The following DMXL2 variants were observed in gnomAD, a reference collection of about 807,000 sequenced individuals.
DMXL2 encodes Dmx like 2, also known as dmX-like protein 2.
Under a neutral mutation model 331.1 loss-of-function variants are expected in DMXL2, and 103 were observed. The observed-to-expected ratio is 0.31, with a 90% CI of 0.27 to 0.37. The LOEUF is 0.37. DMXL2 is among the 10% of genes least tolerant of loss of function. The probability of loss-of-function intolerance (pLI) is 1.00; values close to 1 mark genes in which losing one functional copy is unlikely to be tolerated. For missense variants in DMXL2, 3,171 were observed against 3,642.9 expected (o/e 0.87, Z 3.33); for synonymous variants, 1,281 against 1,252.1 (o/e 1.02, Z -0.49).
Position 51,568,519 on chromosome 15 carries a change from G to T in DMXL2, c.253C>A (p.Pro85Thr), listed in dbSNP as rs772628019. The T allele has an allele frequency of 6.3e-7, 1 of 1,577,072 alleles. No individual in the cohort carries two copies. The highest frequency in any genetic ancestry group is 2.3e-5 in the East Asian group (1 of 43,580). The change falls in exon 3 of 44, where the codon CCC becomes ACC. Residue 85 changes from proline (P) to threonine (T), a missense_variant. Physicochemically the swap from Pro to Thr is conservative, Grantham distance 38. This residue lies in a region of DMXL2 where 1,674 missense variants were observed against 1,780.2 expected (regional missense o/e 0.94). Coordinates refer to ENST00000560891, the MANE Select transcript of DMXL2 (RefSeq NM_001378457.1). ...SYGNAVCIFEPLGINSHKRNC... is the reference protein window; with the variant it reads ...SYGNAVCIFETLGINSHKRNC... ...CTTTTATGAGAATTTATGCCCAAGG[G>T]CTCAAATATACAAACAGCATTACCA... is the stretch of plus-strand genomic sequence containing the variant.
chr15:51,527,507 T>C (rs552350842), intron 13 of DMXL2, among the ~76,000 whole-genome samples: 3 of 152,224 alleles, frequency 2.0e-5, no homozygotes, highest in African/African-American at 7.2e-5. Flanking sequence ...GGAGGGCAGA[T>C]TGCCTGAGTT....
chr15:51,490,787 T>C (rs1387654978), intron 20 of DMXL2, among the ~76,000 whole-genome samples: 1 of 152,236 alleles, frequency 6.6e-6, no homozygotes, highest in African/African-American at 2.4e-5. Context: ...AAAACTTTGA[T>C]AGCCATTTCA....
intron 1 of DMXL2, among the ~76,000 whole-genome samples, chr15:51,612,393 A>C (rs11070863): frequency 0.45 from 67,639 of 151,806 alleles, 15,719 homozygotes; most frequent in Non-Finnish European, 0.51. Flanking sequence ...TATCGGGGGA[A>C]ATTCACCCCC....
At chr15:51,615,751 G>A (rs901655464) in intron 1 of DMXL2, among the ~76,000 whole-genome samples, 14 of 152,162 alleles carry the variant, frequency 9.2e-5, no homozygotes, top group Admixed American at 8.5e-4. Context: ...TCTTAAGTGT[G>A]GATGCAGTCA....
Position 51,502,977 on chromosome 15 carries a change from T to C in DMXL2, c.2821A>G (p.Asn941Asp). Residue 941 changes from asparagine (N) to aspartate (D), a missense_variant, in exon 17 of 44, where the codon AAC (asparagine) becomes GAC (aspartate). By Grantham distance (23) the Asn-to-Asp change is conservative (BLOSUM62 1). Coordinates refer to ENST00000560891, the MANE Select transcript of DMXL2 (RefSeq NM_001378457.1). ...GAGGTTTCTGGAGAAGAATCTACGT[T>C]CTTCTGTCCAGGGACTGAAAGTAGA... The part of the protein sequence containing the change: ...ESLLSVPGQK[N>D]VDSSPETSPS... 1 of 1,614,040 alleles carries C rather than the reference T, an allele frequency of 6.2e-7. No homozygotes were observed. Among genetic ancestry groups the C allele is most frequent in the East Asian group, 2.2e-5 (1 of 44,878 alleles).
chr15:51,578,018 G>T (rs190596852), intron 1 of DMXL2, among the ~76,000 whole-genome samples: 2 of 152,246 alleles, frequency 1.3e-5, no homozygotes, highest in East Asian at 3.9e-4. Context: ...TACTCTAATG[G>T]GGAGATGACT....
intron 1 of DMXL2, among the ~76,000 whole-genome samples, chr15:51,619,290 G>A (rs17609917): frequency 1.3e-5 from 2 of 151,894 alleles, no homozygotes; most frequent in African/African-American, 4.8e-5. Flanking sequence ...ATAACATTTC[G>A]AAAACCTAGA....
chr15:51,598,621 A>C (rs555608537), intron 1 of DMXL2, among the ~76,000 whole-genome samples: 3 of 152,210 alleles, frequency 2.0e-5, no homozygotes, highest in Non-Finnish European at 4.4e-5. Flanking sequence ...AAGAACACAG[A>C]TCAGTTATTT....
At chr15:51,597,527 C>G (rs1280929830) in intron 1 of DMXL2, among the ~76,000 whole-genome samples, 1 of 152,104 alleles carries the variant, frequency 6.6e-6, no homozygotes, top group Non-Finnish European at 1.5e-5. Flanking sequence ...ATTAATATTC[C>G]CTGGTATGTA....
At chr15:51,580,111 C>T (rs1383820816) in intron 1 of DMXL2, among the ~76,000 whole-genome samples, 1 of 152,122 alleles carries the variant, frequency 6.6e-6, no homozygotes, top group Non-Finnish European at 1.5e-5. Context: ...TCATGGAGCA[C>T]AGAATAAGCA....
chr15:51,495,831 T>C (rs576604060), intron 18 of DMXL2, among the ~76,000 whole-genome samples: 2 of 151,870 alleles, frequency 1.3e-5, no homozygotes, highest in African/African-American at 4.8e-5. Context: ...TAGAATCAAA[T>C]AGTATTTTCC....
chr15:51,457,035 G>A (rs898030441), intron 37 of DMXL2, among the ~76,000 whole-genome samples: 3 of 152,156 alleles, frequency 2.0e-5, no homozygotes, highest in Non-Finnish European at 4.4e-5. Flanking sequence ...AGCCAGGCAC[G>A]CTGGCATGCA....
rs893478631 is a variant in DMXL2, at chr15:51,534,976, A to T, written c.2436+687T>A. Among the ~76,000 whole-genome samples, 6 of 152,158 alleles carry T rather than the reference A, an allele frequency of 3.9e-5. No homozygotes were observed. In the South Asian group the frequency reaches 8.3e-4, roughly 21 times the overall value. On this transcript the variant is annotated intron_variant, in intron 13 of 43. Transcript: ENST00000560891. The stretch of plus-strand genomic sequence containing the variant: ...CTTCTTATGTCTTAAACTGCTACTT[A>T]ACTTTTTATTAATAAGCTCTCTCTT...
At chr15:51,597,272 C>T (rs1595689329) in intron 1 of DMXL2, among the ~76,000 whole-genome samples, 1 of 152,148 alleles carries the variant, frequency 6.6e-6, no homozygotes, top group African/African-American at 2.4e-5. Flanking sequence ...CTGTCCCTTC[C>T]AAATTACACT....
intron 6 of DMXL2, among the ~76,000 whole-genome samples, chr15:51,558,860 ATTAAT>A (rs1242845016): frequency 2.0e-5 from 3 of 152,260 alleles, no homozygotes; most frequent in Non-Finnish European, 4.4e-5. Context: ...TACCGAATGC[ATTAAT>A]TTAAAAGTAC....
At chr15:51,606,402 C>T (rs1319573279) in intron 1 of DMXL2, among the ~76,000 whole-genome samples, 2 of 152,148 alleles carry the variant, frequency 1.3e-5, no homozygotes, top group Admixed American at 1.3e-4. Flanking sequence ...CACCAGTTGA[C>T]CAGGCTGGTC....
chr15:51,540,941 T>C (rs966862073), intron 9 of DMXL2, among the ~76,000 whole-genome samples: 2 of 152,186 alleles, frequency 1.3e-5, no homozygotes, highest in Admixed American at 6.5e-5. Context: ...CTATTCCATC[T>C]AATTAGGATA....
At chr15:51,457,601 C>T in intron 36 of DMXL2, 135 bp from the exon 37 acceptor site, 2 of 1,031,190 alleles carry the variant, frequency 1.9e-6, no homozygotes, top group Non-Finnish European at 2.8e-6. Flanking sequence ...AACTTAGGTA[C>T]AAGTCCTAAT....
In DMXL2 at chr15:51,500,185, A is replaced by G; in HGVS notation, c.3039T>C (p.Tyr1013=). 1 of 1,614,114 alleles carries G rather than the reference A, an allele frequency of 6.2e-7. No individual in the cohort carries two copies. Among genetic ancestry groups the G allele is most frequent in the Non-Finnish European group, 8.5e-7 (1 of 1,179,970 alleles). The change falls in exon 18 of 44, where the codon TAT becomes TAC. Residue 1013 remains tyrosine, a synonymous_variant. Transcript: ENST00000560891. Reference sequence around the variant, plus strand: ...TGTCAGAACAAGTTGTAACCACTAAATAAGGTGCAAGGCACACTGGATAAA... The same window carrying G: ...TGTCAGAACAAGTTGTAACCACTAAGTAAGGTGCAAGGCACACTGGATAAA... ...SSIYPVCLAP[Y]LVVTTCSDNK...
Sources: gnomAD v4.1 joint callset for allele counts (sites outside exome capture counted in the v4.1 genomes callset) on GRCh38, gnomAD v4.1.1 for gene constraint, gnomAD v4.1.1 regional missense constraint, MANE v1.5 for transcripts, NCBI Gene and HGNC (gene_info 2026-07-23, HGNC 2026-07-21) for gene names.